Variants in AGMO observed in about 807,000 individuals in gnomAD.
AGMO encodes the protein alkylglycerol monooxygenase.
In AGMO, 75 loss-of-function variants were observed where a neutral mutation model predicts 60.2. The observed-to-expected ratio is 1.25, with a 90% CI of 1.03 to 1.51. The LOEUF is 1.51. Among genes scored for constraint, AGMO ranks in the 40% most tolerant of loss-of-function variants. The pLI is 0.00. For synonymous variants in AGMO, 261 were observed against 177.1 expected (o/e 1.47, Z -3.76); for missense variants, 763 against 525.5 (o/e 1.45, Z -4.42).
intron 12 of AGMO, among the ~76,000 whole-genome samples, chr7:15,363,939 T>C (rs1261826612): frequency 5.3e-5 from 8 of 152,080 alleles, no homozygotes; most frequent in Admixed American, 5.2e-4. Context: ...ATGATTTTTT[T>C]CAGCATGTAT....
intron 12 of AGMO, among the ~76,000 whole-genome samples, chr7:15,223,807 T>C (rs537558701): frequency 7.4e-4 from 113 of 152,044 alleles, no homozygotes; most frequent in Middle Eastern, 3.4e-3. Context: ...ATTCTTGTTA[T>C]GAAATTTGAA....
the AGMO span, among the ~76,000 whole-genome samples, chr7:15,146,427 G>C: frequency 2.6e-5 from 4 of 151,836 alleles, no homozygotes; most frequent in Non-Finnish European, 4.4e-5. Context: ...TGAAAACTAG[G>C]CTTAAATATT....
rs564944900 is a variant in AGMO, at chr7:15,447,719, T to A, written c.410-16611A>T. 3.3e-5 allele frequency among the ~76,000 whole-genome samples: 5 copies of A among 150,736 alleles called. No individual in the cohort carries two copies. The East Asian group carries it at 9.9e-4, about 30-fold the overall frequency. On this transcript the variant is annotated intron_variant, in intron 3 of 12. Transcript: ENST00000342526. Reference sequence around the variant, plus strand: ...ACACACGCCACCACACCTGGCTAAATTTTTTTTTTTTTCAGTAGAGACAGG... The same window carrying A: ...ACACACGCCACCACACCTGGCTAAAATTTTTTTTTTTTCAGTAGAGACAGG...
At chr7:15,397,132 G>A (rs1474901910) in intron 5 of AGMO, among the ~76,000 whole-genome samples, 1 of 152,086 alleles carries the variant, frequency 6.6e-6, no homozygotes, top group Non-Finnish European at 1.5e-5. Flanking sequence ...GGGCACTCCC[G>A]CAGCCCAGAG....
intron 3 of AGMO, among the ~76,000 whole-genome samples, chr7:15,538,075 T>A (rs1331593082): frequency 1.3e-5 from 2 of 152,118 alleles, no homozygotes; most frequent in African/African-American, 4.8e-5. Context: ...TTGATGGGAA[T>A]TCCAAGGCTT....
At chr7:15,419,857 A>G (rs984366710) in intron 4 of AGMO, among the ~76,000 whole-genome samples, 1 of 152,002 alleles carries the variant, frequency 6.6e-6, no homozygotes, top group Non-Finnish European at 1.5e-5. Context: ...GCGGAGGGGA[A>G]AACCATTTAA....
chr7:15,486,132 G>GCCCT (rs147190410), intron 3 of AGMO, among the ~76,000 whole-genome samples: 194 of 152,232 alleles, frequency 1.3e-3, no homozygotes, highest in Middle Eastern at 6.8e-3. Flanking sequence ...AACGCAAACT[G>GCCCT]CCCTCCAACT....
At chr7:15,161,557 C>T in the AGMO span, among the ~76,000 whole-genome samples, 1 of 151,000 alleles carries the variant, frequency 6.6e-6, no homozygotes, top group African/African-American at 2.4e-5. Flanking sequence ...TACATATATA[C>T]ACATGTGGAT....
At chr7:15,266,927 C>T (rs1380006454) in intron 12 of AGMO, among the ~76,000 whole-genome samples, 1 of 151,880 alleles carries the variant, frequency 6.6e-6, no homozygotes, top group African/African-American at 2.4e-5. Context: ...GTCGAAATTC[C>T]ACAGAAGAGG....
chr7:15,233,428 G>T (rs1472550310), intron 12 of AGMO, among the ~76,000 whole-genome samples: 1 of 152,094 alleles, frequency 6.6e-6, no homozygotes, highest in Non-Finnish European at 1.5e-5. Context: ...CCTCTCCAGG[G>T]AGACTGAGGG....
At chr7:15,201,525 T>C in intron 12 of AGMO, among the ~76,000 whole-genome samples, 166 bp from the exon 13 acceptor site, 1 of 152,184 alleles carries the variant, frequency 6.6e-6, no homozygotes, top group East Asian at 1.9e-4. Flanking sequence ...TTAGCCAATT[T>C]AACTTAAAAC....
At chr7:15,540,834 A>T (rs2115272477) in intron 3 of AGMO, among the ~76,000 whole-genome samples, 1 of 152,316 alleles carries the variant, frequency 6.6e-6, no homozygotes, top group South Asian at 2.1e-4. Flanking sequence ...TATGAATTTA[A>T]CTTTCTATAA....
At chr7:15,199,479 T>TA (rs772832155), downstream of AGMO, among the ~76,000 whole-genome samples, 99 of 152,320 alleles carry the variant, frequency 6.5e-4, no homozygotes, top group Non-Finnish European at 2.6e-4. Context: ...TACACATATT[T>TA]ATGTATCATT....
chr7:15,131,803 G>A, the AGMO span, among the ~76,000 whole-genome samples: 1 of 148,950 alleles, frequency 6.7e-6, no homozygotes, highest in South Asian at 2.1e-4. Context: ...CAAGGTAGGA[G>A]TAATTCCTGG....
chr7:15,394,601 C>G (rs540694588), intron 5 of AGMO, among the ~76,000 whole-genome samples: 2 of 152,268 alleles, frequency 1.3e-5, no homozygotes, highest in South Asian at 4.2e-4. Flanking sequence ...GCACACTACC[C>G]TTAGATTTCA....
chr7:15,207,452 C>G (rs574617012), intron 12 of AGMO, among the ~76,000 whole-genome samples: 1 of 152,294 alleles, frequency 6.6e-6, no homozygotes, highest in Non-Finnish European at 1.5e-5. Flanking sequence ...CTTTGAATAA[C>G]TACTAGATTC....
the AGMO span, among the ~76,000 whole-genome samples, chr7:15,123,623 G>C: frequency 6.6e-6 from 1 of 151,978 alleles, no homozygotes; most frequent in African/African-American, 2.4e-5. Context: ...TTTAAAATGA[G>C]TCTTCAAGAC....
At chr7:15,541,363 G>A (rs928642979) in intron 3 of AGMO, among the ~76,000 whole-genome samples, 8 of 152,064 alleles carry the variant, frequency 5.3e-5, no homozygotes, top group Admixed American at 6.6e-5. Context: ...CTCATGATCC[G>A]CCAGCCTCAG....
Position 15,270,684 on chromosome 7 carries a change from T to C in AGMO, c.1264-69325A>G, listed in dbSNP as rs900299863. ...TTAATTAAGTCCCATTTATCTATTT[T>C]TGTATGTGTTGCATTTGCTTTTGGG... is the stretch of plus-strand genomic sequence containing the variant. On this transcript the variant is annotated intron_variant, in intron 12 of 12. Coordinates refer to ENST00000342526, the MANE Select transcript of AGMO (RefSeq NM_001004320.2). Among the ~76,000 whole-genome samples the C allele has an allele frequency of 2.0e-5, 3 of 149,550 alleles. No individual in the cohort carries two copies. The Admixed American group carries it at 2.0e-4, about 10-fold the overall frequency.
Sources: gnomAD v4.1 joint callset for allele counts (sites outside exome capture counted in the v4.1 genomes callset) on GRCh38, gnomAD v4.1.1 for gene constraint, MANE v1.5 for transcripts, NCBI Gene and HGNC (gene_info 2026-07-23, HGNC 2026-07-21) for gene names.